CWC22: variants seen among roughly 807,000 people sequenced by gnomAD.
CWC22 encodes CWC22 spliceosome associated protein, also known as pre-mRNA-splicing factor CWC22 homolog.
CWC22 carries 53 observed loss-of-function variants against 117.2 expected under a neutral mutation model. The observed-to-expected ratio is 0.45, with a 90% confidence interval of 0.36 to 0.57. The LOEUF (loss-of-function observed/expected upper bound fraction) is 0.57, where lower values mean the gene tolerates loss of function less well. Among genes scored for constraint, CWC22 ranks in the 20% least tolerant of loss-of-function variants. The probability of loss-of-function intolerance (pLI) is 0.00; values close to 1 mark genes in which losing one functional copy is unlikely to be tolerated. For missense variants in CWC22, 980 were observed against 1,068.8 expected, an observed-to-expected ratio of 0.92 and a Z score of 1.16; for synonymous variants, 360 against 355.6, an observed-to-expected ratio of 1.01 and a Z score of -0.14.
chr2:179,997,034 G>A (rs1687722033), intron 1 of CWC22, among the ~76,000 whole-genome samples: 1 of 152,032 alleles, frequency 6.6e-6, no homozygotes, highest in African/African-American at 2.4e-5. Context: ...CTGTTTTTCA[G>A]AAAGAAATGA....
chr2:179,965,846 TATA>T (rs1488568795), intron 12 of CWC22, 29 bp downstream of exon 12: 1 of 1,340,160 alleles, frequency 7.5e-7, no homozygotes, highest in Non-Finnish European at 1.1e-6. Flanking sequence ...TAGAGTATCT[TATA>T]ATATTATTTG....
In CWC22 at chr2:179,964,569, T is replaced by C. The variant is rs1234143605; in HGVS notation, c.1375A>G (p.Ile459Val). The C allele has an allele frequency of 3.2e-6, 5 of 1,569,140 alleles. No individual in the cohort carries two copies. Among genetic ancestry groups the C allele is most frequent in the South Asian group, 1.2e-5 (1 of 85,140 alleles). ...TACCTTGACTGAATAGCAAGATAAA[T>C]TGTACGACGAAATGAGACCAGGTTA... is the stretch of plus-strand genomic sequence containing the variant. ...EINLVSFRRTIYLAIQSSLDF... is the reference protein window; with the variant it reads ...EINLVSFRRTVYLAIQSSLDF... Residue 459 changes from isoleucine (I) to valine (V), a missense_variant, in exon 13 of 20, where the codon ATT becomes GTT. Ile to Val is a conservative substitution (Grantham distance 29, BLOSUM62 3). Around this residue, in one of 3 missense-constraint regions of CWC22, gnomAD observed 559 missense variants for 602.3 expected, o/e 0.93. Coordinates refer to ENST00000410053, the MANE Select transcript of CWC22 (RefSeq NM_020943.3).
rs757221711 is a variant in CWC22 at position 179,959,029 on chromosome 2, C to T, written c.1451G>A (p.Ser484Asn). 5 of 1,558,510 alleles carry T rather than the reference C, an allele frequency of 3.2e-6. No individual in the cohort carries two copies. Among genetic ancestry groups the T allele is most frequent in the Admixed American group, 1.8e-5 (1 of 54,060 alleles). Residue 484 changes from serine (S) to asparagine (N), a missense_variant, in exon 14 of 20, where the codon AGC becomes AAC. Ser to Asn is a conservative substitution (Grantham distance 46). Coordinates refer to ENST00000410053, the MANE Select transcript of CWC22 (RefSeq NM_020943.3). ...HKLLKMEFPE[S>N]QTKELCNMIL... ...GAAAAAGTATTAACATACTGTTTGGCTTTCAGGAAACTCCATTTTCAGCAA... is the reference window on the plus strand; with the variant it reads ...GAAAAAGTATTAACATACTGTTTGGTTTTCAGGAAACTCCATTTTCAGCAA...
chr2:179,959,023 G>A lies in CWC22; in HGVS notation c.1457C>T (p.Thr486Ile). 1 of 1,542,242 alleles carries A rather than the reference G, an allele frequency of 6.5e-7. No homozygotes were observed. The highest frequency in any genetic ancestry group is 1.9e-5 in the Admixed American group (1 of 53,580). ...CTAATAGAAAAAGTATTAACATACT[G>A]TTTGGCTTTCAGGAAACTCCATTTT... ...LLKMEFPESQ[T>I]KELCNMILDC... The change falls in exon 14 of 20, where the codon ACA (threonine) becomes ATA (isoleucine). Residue 486 changes from threonine to isoleucine, a missense_variant and splice_region_variant. This residue lies in a region of CWC22 where 559 missense variants were observed against 602.3 expected (regional missense o/e 0.93). Transcript: ENST00000410053.
At chr2:179,992,598 T>C (rs181993154) in intron 2 of CWC22, among the ~76,000 whole-genome samples, 3 of 152,332 alleles carry the variant, frequency 2.0e-5, no homozygotes, top group Admixed American at 2.0e-4. Context: ...TCTAACATAC[T>C]ACATAACTTA....
At chr2:179,977,611 TAGAC>T (rs1332610949) in intron 6 of CWC22, among the ~76,000 whole-genome samples, 6 of 152,168 alleles carry the variant, frequency 3.9e-5, no homozygotes, top group African/African-American at 1.2e-4. Flanking sequence ...AAATTTCAGT[TAGAC>T]AGGAGGAATA....
intron 1 of CWC22, among the ~76,000 whole-genome samples, chr2:179,997,433 T>C (rs1687735259): frequency 6.6e-6 from 1 of 152,210 alleles, no homozygotes; most frequent in South Asian, 2.1e-4. Flanking sequence ...GAGAGCCCTG[T>C]AGGGATAACC....
At chr2:179,987,731 A>G (rs562751609) in intron 3 of CWC22, among the ~76,000 whole-genome samples, 14 of 152,158 alleles carry the variant, frequency 9.2e-5, no homozygotes, top group Non-Finnish European at 1.6e-4. Flanking sequence ...TTTTTTTTAC[A>G]GTCATTATTT....
intron 11 of CWC22, among the ~76,000 whole-genome samples, chr2:179,968,252 C>G (rs1412240159): frequency 6.6e-6 from 1 of 152,148 alleles, no homozygotes; most frequent in African/African-American, 2.4e-5. Context: ...TATCAAAGTT[C>G]ATTGATATTG....
At chr2:179,952,363 T>A (rs1174004333) in intron 17 of CWC22, 108 bp downstream of exon 17, 2 of 660,112 alleles carry the variant, frequency 3.0e-6, no homozygotes, top group Non-Finnish European at 4.5e-6. Flanking sequence ...GAAGAAAGTC[T>A]CAGGGGGCTT....
At position 179,945,654 on chromosome 2, in the gene CWC22, G is replaced by A. The variant is rs1349041509; in HGVS notation, c.2202C>T (p.Ile734=). The change falls in exon 20 of 20, where the codon ATC becomes ATT. Residue 734 remains isoleucine (I), a synonymous_variant. Coordinates refer to ENST00000410053, the MANE Select transcript of CWC22 (RefSeq NM_020943.3). ...KTRSKEVDKL[I]RNQQTNDRKQ... is the part of the protein sequence containing the mutation. ...TCCTATCATTTGTTTGCTGGTTTCTGATCAATTTATCTACCTCTTTACTTC... is the reference window on the plus strand; with the variant it reads ...TCCTATCATTTGTTTGCTGGTTTCTAATCAATTTATCTACCTCTTTACTTC... The A allele has an allele frequency of 6.2e-7, 1 of 1,611,080 alleles. No homozygotes were observed. Among genetic ancestry groups the A allele is most frequent in the Non-Finnish European group, 8.5e-7 (1 of 1,179,362 alleles).
Position 179,945,755 on chromosome 2 carries a change from A to G in CWC22, c.2141-40T>C, listed in dbSNP as rs1418026489. 6 of 1,202,758 alleles carry G rather than the reference A, an allele frequency of 5.0e-6. No homozygotes were observed. In the Admixed American group the frequency reaches 1.2e-4, roughly 24 times the overall value. 74.5% of individuals were successfully genotyped at this position (1,202,758 alleles called of 1,614,324 possible). A position where few individuals can be genotyped will look rare whatever the true frequency, so the allele number is the denominator to read the frequency against. On this transcript the variant is annotated intron_variant, in intron 19 of 19. Coordinates refer to ENST00000410053, the MANE Select transcript of CWC22 (RefSeq NM_020943.3). ...TAAAAGACAGTTAGCTTTTATTTCA[A>G]TCTTAATTTCATAATTATAACAATC...
chr2:179,975,055 C>A (rs1372124445), intron 6 of CWC22, among the ~76,000 whole-genome samples: 2 of 152,060 alleles, frequency 1.3e-5, no homozygotes, highest in African/African-American at 4.8e-5. Flanking sequence ...CCACTACATT[C>A]CATATTTTTT....
At chr2:179,955,666 T>C (rs927095414) in intron 14 of CWC22, among the ~76,000 whole-genome samples, 3 of 152,048 alleles carry the variant, frequency 2.0e-5, no homozygotes, top group African/African-American at 7.2e-5. Context: ...CCATAACTGC[T>C]AGTATATTAT....
At chr2:179,991,787 T>A (rs1038581253) in intron 2 of CWC22, among the ~76,000 whole-genome samples, 1 of 152,148 alleles carries the variant, frequency 6.6e-6, no homozygotes, top group African/African-American at 2.4e-5. Context: ...ATTAACTGTT[T>A]AAGTAACAAT....
In CWC22 at chr2:179,964,857, C is replaced by T. The variant is rs1686849322; in HGVS notation, c.1316-229G>A. On this transcript the variant is annotated intron_variant, in intron 12 of 19. Transcript: ENST00000410053. ...GAAGTCCAGTACCAAGCCAAGAAAA[C>T]TATTTTTGTTTATCTGTTATCTGCT... Among the ~76,000 whole-genome samples, 4 of 152,106 alleles carry T rather than the reference C, an allele frequency of 2.6e-5. No homozygotes were observed. The South Asian group carries it at 6.2e-4, about 24-fold the overall frequency.
At chr2:180,005,164 G>C (rs1416227595) in intron 1 of CWC22, among the ~76,000 whole-genome samples, 1 of 152,098 alleles carries the variant, frequency 6.6e-6, no homozygotes, top group Admixed American at 6.6e-5. Context: ...GACATTTTTG[G>C]AACCAATACA....
chr2:179,973,581 G>C, intron 7 of CWC22, 53 bp downstream of exon 7: 1 of 1,137,706 alleles, frequency 8.8e-7, no homozygotes, highest in Non-Finnish European at 1.2e-6. Context: ...GTTGATACTG[G>C]TTTGTTAGTT....
At chr2:180,000,688 T>C (rs188520206) in intron 1 of CWC22, among the ~76,000 whole-genome samples, 2 of 152,340 alleles carry the variant, frequency 1.3e-5, no homozygotes, top group African/African-American at 4.8e-5. Context: ...CTAGAAGTTG[T>C]GCAGACAGTT....
Sources: gnomAD v4.1 joint callset for allele counts (sites outside exome capture counted in the v4.1 genomes callset) on GRCh38, gnomAD v4.1.1 for gene constraint, gnomAD v4.1.1 regional missense constraint, MANE v1.5 for transcripts, NCBI Gene and HGNC (gene_info 2026-07-23, HGNC 2026-07-21) for gene names.